SGCD: variants seen among roughly 807,000 people sequenced by gnomAD.
SGCD encodes sarcoglycan delta.
In SGCD, 18 loss-of-function variants were observed where a neutral mutation model predicts 36.6. That is an observed-to-expected ratio of 0.49 (90% CI 0.34 to 0.73). The LOEUF is 0.73. Ranked by LOEUF, SGCD falls within the 30% of genes least tolerant of loss-of-function variation. The probability of loss-of-function intolerance (pLI) is 0.01; values close to 1 mark genes in which losing one functional copy is unlikely to be tolerated. For synonymous variants in SGCD, 133 were observed against 130.6 expected, an observed-to-expected ratio of 1.02 and a Z score of -0.12; for missense variants, 387 against 346.7, an observed-to-expected ratio of 1.12 and a Z score of -0.92.
chr5:156,341,430 T>C (rs1364273905), intron 2 of SGCD, among the ~76,000 whole-genome samples: 1 of 152,192 alleles, frequency 6.6e-6, no homozygotes, highest in East Asian at 1.9e-4. Context: ...ATTTTTTAGA[T>C]GTTGTCCCAA....
chr5:156,329,018 C>T (rs1384561785), intron 1 of SGCD, among the ~76,000 whole-genome samples: 1 of 152,148 alleles, frequency 6.6e-6, no homozygotes, highest in Non-Finnish European at 1.5e-5. Flanking sequence ...CGTGAAATAG[C>T]AACTCCAGGT....
intron 1 of SGCD, among the ~76,000 whole-genome samples, chr5:156,061,590 C>G (rs1483591345): frequency 6.8e-6 from 1 of 146,280 alleles, no homozygotes; most frequent in Non-Finnish European, 1.5e-5. Context: ...GGAAATAAAG[C>G]TCTTTTCAGG....
At chr5:156,000,211 G>A (rs1382580866) in intron 1 of SGCD, among the ~76,000 whole-genome samples, 1 of 152,164 alleles carries the variant, frequency 6.6e-6, no homozygotes, top group African/African-American at 2.4e-5. Context: ...GTGGCTCTGT[G>A]GGCCTGGGGT....
intron 1 of SGCD, among the ~76,000 whole-genome samples, chr5:155,891,558 C>CTTTTTTTTTTTTTT (rs372399423): frequency 0.037 from 2,273 of 60,664 alleles, 396 homozygotes; most frequent in Non-Finnish European, 0.047. Flanking sequence ...AATAAATACT[C>CTTTTTTTTTTTTTT]TTTTTTTTTT....
At chr5:155,820,947 A>G in the SGCD span, among the ~76,000 whole-genome samples, 1 of 152,120 alleles carries the variant, frequency 6.6e-6, no homozygotes, top group Non-Finnish European at 1.5e-5. Flanking sequence ...CATGGGATTG[A>G]CATCCACACT....
At chr5:156,000,412 A>G (rs1025606302) in intron 1 of SGCD, among the ~76,000 whole-genome samples, 1 of 152,202 alleles carries the variant, frequency 6.6e-6, no homozygotes, top group Non-Finnish European at 1.5e-5. Flanking sequence ...GTGGAAAGGG[A>G]TATAATCAGA....
At chr5:156,197,445 TTAACTC>T (rs761935652) in intron 3 of SGCD, among the ~76,000 whole-genome samples, 160 of 151,936 alleles carry the variant, frequency 1.1e-3, no homozygotes, top group Non-Finnish European at 1.8e-3. Context: ...TAAATCTCCA[TTAACTC>T]TTTAGAATTG....
At chr5:156,691,412 A>C (rs1754107074) in intron 7 of SGCD, among the ~76,000 whole-genome samples, 1 of 152,122 alleles carries the variant, frequency 6.6e-6, no homozygotes, top group Non-Finnish European at 1.5e-5. Flanking sequence ...TTGCATTGCA[A>C]AAAGCTCCCT....
At chr5:155,850,354 T>C in the SGCD span, among the ~76,000 whole-genome samples, 1 of 151,836 alleles carries the variant, frequency 6.6e-6, no homozygotes, top group South Asian at 2.1e-4. Context: ...AAGAGTCCTG[T>C]AGGGAGGAAG....
At chr5:156,654,806 C>T (rs889094964) in intron 7 of SGCD, among the ~76,000 whole-genome samples, 1 of 152,148 alleles carries the variant, frequency 6.6e-6, no homozygotes, top group African/African-American at 2.4e-5. Flanking sequence ...AGATAATTCT[C>T]ATCTGCCTTC....
At chr5:156,159,078 C>T (rs376360928) in intron 3 of SGCD, among the ~76,000 whole-genome samples, 3 of 151,500 alleles carry the variant, frequency 2.0e-5, no homozygotes, top group African/African-American at 4.9e-5. Context: ...CTTTTATTAG[C>T]GTATGTGACC....
intron 3 of SGCD, among the ~76,000 whole-genome samples, chr5:156,461,451 G>C (rs370428981): frequency 3.0e-3 from 449 of 152,004 alleles, no homozygotes; most frequent in African/African-American, 0.01. Flanking sequence ...AATTTAATGT[G>C]ACAAACAAGC....
At chr5:156,550,664 G>A (rs1052607471) in intron 4 of SGCD, among the ~76,000 whole-genome samples, 3 of 152,194 alleles carry the variant, frequency 2.0e-5, no homozygotes. Context: ...GGAGTTGTTT[G>A]AGATAAAACA....
At chr5:156,264,643 T>C (rs1297296204) in intron 3 of SGCD, among the ~76,000 whole-genome samples, 1 of 152,040 alleles carries the variant, frequency 6.6e-6, no homozygotes, top group Non-Finnish European at 1.5e-5. Flanking sequence ...TTAAATTAGA[T>C]AATGCATTAG....
chr5:155,940,318 G>T (rs1311692749), intron 1 of SGCD, among the ~76,000 whole-genome samples: 1 of 151,982 alleles, frequency 6.6e-6, no homozygotes, highest in Non-Finnish European at 1.5e-5. Context: ...TTCCAGCTCT[G>T]TTTCTTTACC....
In SGCD at chr5:156,422,609, T is replaced by C. The variant is rs149143825; in HGVS notation, c.192+77932T>C. ...AGAATCTCCACATTCATGAATGTCA[T>C]GGTATATAATTTTTCAGTTTCCTTA... On this transcript the variant is annotated intron_variant, in intron 3 of 8. Transcript: ENST00000337851. Among the ~76,000 whole-genome samples, 374 of 152,134 alleles carry C rather than the reference T, an allele frequency of 2.5e-3. 1 individual carries two copies. Among genetic ancestry groups the C allele is most frequent in the African/African-American group, 8.8e-3 (364 of 41,542 alleles).
At chr5:156,069,310 G>A (rs112059885) in intron 1 of SGCD, among the ~76,000 whole-genome samples, 39,145 of 151,868 alleles carry the variant, frequency 0.26, 6,424 homozygotes, top group African/African-American at 0.46. Flanking sequence ...ATAAGGTGTA[G>A]GGAAGGGATC....
intron 1 of SGCD, among the ~76,000 whole-genome samples, chr5:156,111,999 C>T (rs1405856798): frequency 2.0e-5 from 3 of 152,014 alleles, no homozygotes; most frequent in Non-Finnish European, 2.9e-5. Flanking sequence ...AGGCTGGTCT[C>T]GAACTCCTGA....
At position 156,469,339 on chromosome 5, in the gene SGCD, G is replaced by A. The variant is rs567609617; in HGVS notation, c.193-39262G>A. Among the ~76,000 whole-genome samples the A allele has an allele frequency of 2.6e-5, 4 of 152,198 alleles. No homozygotes were observed. The East Asian group carries it at 7.7e-4, about 29-fold the overall frequency. On this transcript the variant is annotated intron_variant, in intron 3 of 8. Coordinates refer to ENST00000337851, the MANE Select transcript of SGCD (RefSeq NM_000337.6). ...ACAGTCCAAAAGCGTACATTTTGAG[G>A]GCATCTGCCATAGCCTGTATTATGA...
Sources: gnomAD v4.1 joint callset for allele counts (sites outside exome capture counted in the v4.1 genomes callset) on GRCh38, gnomAD v4.1.1 for gene constraint, MANE v1.5 for transcripts, NCBI Gene and HGNC (gene_info 2026-07-23, HGNC 2026-07-21) for gene names.